The following PCM1 variants were observed in gnomAD, a reference collection of about 807,000 sequenced individuals.
PCM1 encodes pericentriolar material 1.
A neutral mutation model predicts 241.9 loss-of-function variants in PCM1; 157 were observed. The ratio of observed to expected loss-of-function variants is 0.65; its 90% CI spans 0.57 to 0.74. The LOEUF (loss-of-function observed/expected upper bound fraction) is 0.74, where lower values mean the gene tolerates loss of function less well. PCM1 is among the 30% of genes least tolerant of loss of function. The pLI is 0.00. For synonymous variants in PCM1, 1,085 were observed against 784.9 expected (o/e 1.38, Z -6.39); for missense variants, 3,478 against 2,360.1 (o/e 1.47, Z -9.81).
chr8:17,968,350 A>G (rs745910343), intron 21 of PCM1, among the ~76,000 whole-genome samples: 1 of 152,158 alleles, frequency 6.6e-6, no homozygotes, highest in African/African-American at 2.4e-5. Flanking sequence ...TGAAATTTAT[A>G]TTTTAGAAAG....
chr8:17,949,202 T>C (rs1042225964), intron 7 of PCM1, among the ~76,000 whole-genome samples: 6 of 152,164 alleles, frequency 3.9e-5, no homozygotes, highest in African/African-American at 1.4e-4. Flanking sequence ...TAGTCTTGTA[T>C]TTATGAGATT....
chr8:17,935,765 C>T (rs2060232028), intron 3 of PCM1, 59 bp downstream of exon 3: 3 of 815,910 alleles, frequency 3.7e-6, no homozygotes, highest in African/African-American at 1.7e-5. Flanking sequence ...ATGCAGTTTT[C>T]CCCCTGACCA....
chr8:18,009,505 A>T (rs2092124459), intron 30 of PCM1, 42 bp from the exon 31 acceptor site: 1 of 1,230,648 alleles, frequency 8.1e-7, no homozygotes, highest in Non-Finnish European at 1.2e-6. Context: ...TTATAATTGA[A>T]GTTTACTGTC....
chr8:17,953,486 A>G (rs1427430181), intron 9 of PCM1, among the ~76,000 whole-genome samples: 1 of 152,204 alleles, frequency 6.6e-6, no homozygotes, highest in Non-Finnish European at 1.5e-5. Flanking sequence ...TGGACATATT[A>G]ATACTTTGTT....
chr8:18,014,516 A>T, intron 35 of PCM1, 68 bp from the exon 36 acceptor site: 1 of 1,274,872 alleles, frequency 7.8e-7, no homozygotes. Context: ...TATTGTCTTT[A>T]TTAGTATAAT....
chr8:17,953,305 T>A, intron 9 of PCM1, 119 bp downstream of exon 9: 1 of 495,542 alleles, frequency 2.0e-6, no homozygotes. Context: ...TTGTAGGGAC[T>A]TAAGACTTGC....
Position 17,972,640 on chromosome 8 carries a change from G to T in PCM1, c.3896G>T (p.Ser1299Ile), listed in dbSNP as rs562478398. The change falls in exon 23 of 39, where the codon AGT (serine) becomes ATT (isoleucine). Residue 1299 changes from serine to isoleucine, a missense_variant. Transcript: ENST00000325083. Reference sequence around the variant, plus strand: ...AAAGATAAAACTCCCAAGTCAAAAAGTAAGAAGAGGAATTCTACTCAGCTG... The same window carrying T: ...AAAGATAAAACTCCCAAGTCAAAAATTAAGAAGAGGAATTCTACTCAGCTG... The part of the protein sequence containing the change: ...ASKDKTPKSK[S>I]KKRNSTQLKS... 8 of 1,580,252 alleles carry T rather than the reference G, an allele frequency of 5.1e-6. No homozygotes were observed. The highest frequency in any genetic ancestry group is 3.4e-4 in the Middle Eastern group (2 of 5,910).
chr8:17,929,767 C>G (rs896313860), intron 2 of PCM1, among the ~76,000 whole-genome samples: 2 of 152,136 alleles, frequency 1.3e-5, no homozygotes, highest in African/African-American at 4.8e-5. Context: ...GTACCAAACT[C>G]TATGTGTATG....
In PCM1 at chr8:17,991,571, T is replaced by C; in HGVS notation, c.4561T>C (p.Leu1521=). ...CACCGTGATTCACTTAGATCAAGCA[T>C]TAGCCAGAATGAGAGAATATGAGCG... ...GNTVIHLDQA[L]ARMREYERMK... The change falls in exon 28 of 39, where the codon TTA becomes CTA. Residue 1521 remains leucine, a synonymous_variant. Transcript: ENST00000325083. The C allele has an allele frequency of 6.2e-7, 1 of 1,602,602 alleles. No homozygotes were observed. Among genetic ancestry groups the C allele is most frequent in the South Asian group, 1.1e-5 (1 of 88,642 alleles).
Position 17,957,389 on chromosome 8 carries a change from A to C in PCM1, c.1772A>C (p.Asn591Thr), listed in dbSNP as rs142878333. The C allele has an allele frequency of 6.8e-6, 11 of 1,612,874 alleles. No individual in the cohort carries two copies. In the African/African-American group the frequency reaches 1.3e-4, roughly 20 times the overall value. Residue 591 changes from asparagine to threonine, a missense_variant, in exon 12 of 39, where the codon AAC becomes ACC. By Grantham distance (65) the Asn-to-Thr change is moderately conservative. Transcript: ENST00000325083. Reference protein sequence around the residue: ...NCEINNRSAANIRALNMPPSL... With the variant: ...NCEINNRSAATIRALNMPPSL... ...GAAATTAACAACAGATCTGCTGCCAACATAAGGGCTCTAAACATGCCTCCT... is the reference window on the plus strand; with the variant it reads ...GAAATTAACAACAGATCTGCTGCCACCATAAGGGCTCTAAACATGCCTCCT...
intron 21 of PCM1, among the ~76,000 whole-genome samples, chr8:17,968,906 A>G (rs2075955750): frequency 6.6e-6 from 1 of 151,976 alleles, no homozygotes; most frequent in Non-Finnish European, 1.5e-5. Context: ...TTTAAGTAAT[A>G]AGAAATTGCA....
At chr8:17,983,315 C>T in intron 24 of PCM1, 1 of 1,304,852 alleles carries the variant, frequency 7.7e-7, no homozygotes, top group Non-Finnish European at 1.0e-6. Context: ...GTTTTGGTGT[C>T]CACTTTTTGT....
At chr8:17,957,181 A>G in intron 11 of PCM1, 83 bp from the exon 12 acceptor site, 1 of 1,098,232 alleles carries the variant, frequency 9.1e-7, no homozygotes, top group Non-Finnish European at 1.3e-6. Flanking sequence ...GTTTGGTGTT[A>G]TTTTATTAGC....
chr8:18,018,079 T>C (rs2093396520), intron 36 of PCM1, among the ~76,000 whole-genome samples: 1 of 152,166 alleles, frequency 6.6e-6, no homozygotes, highest in African/African-American at 2.4e-5. Context: ...AGAAAATATT[T>C]CACGTTTCCA....
intron 26 of PCM1, among the ~76,000 whole-genome samples, chr8:17,987,621 C>T (rs1373123310): frequency 1.3e-5 from 2 of 151,776 alleles, no homozygotes; most frequent in Non-Finnish European, 3.0e-5. Context: ...GTAACTAAAT[C>T]AGTTCTTTGA....
rs376941839 is a variant in PCM1 at position 18,019,694 on chromosome 8, A to T, written c.5841+4854A>T. On this transcript the variant is annotated intron_variant, in intron 36 of 38. Transcript: ENST00000325083. ...CCGCCAGTGATCTGACAGGAGGCAG[A>T]GCTCAGGTGAGAATGTGAGTGATGG... Among the ~76,000 whole-genome samples, 10 of 152,316 alleles carry T rather than the reference A, an allele frequency of 6.6e-5. No homozygotes were observed. In the East Asian group the frequency reaches 1.2e-3, roughly 18 times the overall value.
intron 29 of PCM1, among the ~76,000 whole-genome samples, chr8:17,997,448 C>T (rs542329561): frequency 6.6e-6 from 1 of 152,234 alleles, no homozygotes; most frequent in South Asian, 2.1e-4. Flanking sequence ...CTCTGTCTCT[C>T]TCTACCCCCT....
At chr8:17,934,023 A>G (rs1350878707) in intron 2 of PCM1, among the ~76,000 whole-genome samples, 1 of 152,138 alleles carries the variant, frequency 6.6e-6, no homozygotes, top group Non-Finnish European at 1.5e-5. Flanking sequence ...GATTTTTAAA[A>G]TTAATACTTC....
At chr8:17,977,554 A>G (rs1473930059) in intron 23 of PCM1, among the ~76,000 whole-genome samples, 1 of 152,200 alleles carries the variant, frequency 6.6e-6, no homozygotes, top group African/African-American at 2.4e-5. Flanking sequence ...TCAGATCTCC[A>G]TGATTCTTGG....
Sources: gnomAD v4.1 joint callset for allele counts (sites outside exome capture counted in the v4.1 genomes callset) on GRCh38, gnomAD v4.1.1 for gene constraint, MANE v1.5 for transcripts, NCBI Gene and HGNC (gene_info 2026-07-23, HGNC 2026-07-21) for gene names.